HMCN1: variants seen among roughly 807,000 people sequenced by gnomAD.
The protein encoded by HMCN1 is hemicentin 1.
Under a neutral mutation model 625.9 loss-of-function variants are expected in HMCN1, and 321 were observed. That is an observed-to-expected ratio of 0.51 (90% CI 0.47 to 0.56). The LOEUF (loss-of-function observed/expected upper bound fraction) is 0.56, where lower values mean the gene tolerates loss of function less well. HMCN1 is among the 20% of genes least tolerant of loss of function. HMCN1 has a pLI of 0.00. For synonymous variants in HMCN1, 2,425 were observed against 2,417.6 expected, an observed-to-expected ratio of 1.00 and a Z score of -0.09; for missense variants, 6,588 against 6,887.3, an observed-to-expected ratio of 0.96 and a Z score of 1.54.
At chr1:186,079,076 T>G (rs10911812) in intron 55 of HMCN1, among the ~76,000 whole-genome samples, 95,608 of 151,934 alleles carry the variant, frequency 0.63, 32,077 homozygotes, top group African/African-American at 0.88. Flanking sequence ...TCAGGTTCGA[T>G]CCCCAGCTCT....
chr1:185,993,718 ATTG>A, intron 23 of HMCN1, among the ~76,000 whole-genome samples: 1 of 152,266 alleles, frequency 6.6e-6, no homozygotes, highest in East Asian at 1.9e-4. Context: ...AACTGAAAAA[ATTG>A]TTTCCTAGGA....
chr1:186,084,716 A>G (rs2102391552), intron 57 of HMCN1, among the ~76,000 whole-genome samples: 1 of 152,156 alleles, frequency 6.6e-6, no homozygotes, highest in South Asian at 2.1e-4. Context: ...AAGCTGAGCA[A>G]CATATAACAT....
At chr1:185,877,722 T>C (rs559550649) in intron 4 of HMCN1, among the ~76,000 whole-genome samples, 2 of 152,188 alleles carry the variant, frequency 1.3e-5, no homozygotes, top group South Asian at 4.2e-4. Context: ...TCTTTTTGTA[T>C]GGCTATTTTT....
At chr1:185,864,396 A>G in intron 2 of HMCN1, 74 bp from the exon 3 acceptor site, 1 of 1,433,824 alleles carries the variant, frequency 7.0e-7, no homozygotes, top group Non-Finnish European at 9.8e-7. Flanking sequence ...AAACTCCCAA[A>G]GCACCTTGTT....
intron 63 of HMCN1, among the ~76,000 whole-genome samples, chr1:186,090,034 T>C (rs1190653080): frequency 6.6e-6 from 1 of 151,966 alleles, no homozygotes; most frequent in Non-Finnish European, 1.5e-5. Context: ...GGGATGTTAC[T>C]GAACATGGAG....
intron 104 of HMCN1, among the ~76,000 whole-genome samples, chr1:186,179,184 G>A (rs979515122): frequency 2.6e-5 from 4 of 152,086 alleles, no homozygotes; most frequent in Non-Finnish European, 5.9e-5. Context: ...TCAGCTTCTC[G>A]GTCGACTGCT....
chr1:186,055,011 A>G (rs1269747151), intron 44 of HMCN1, among the ~76,000 whole-genome samples: 1 of 152,036 alleles, frequency 6.6e-6, no homozygotes, highest in Non-Finnish European at 1.5e-5. Context: ...GAGAAGGGAT[A>G]AAGGAGTTAG....
chr1:185,769,461 A>G (rs1236845643), intron 1 of HMCN1, among the ~76,000 whole-genome samples: 4 of 152,096 alleles, frequency 2.6e-5, no homozygotes, highest in African/African-American at 9.7e-5. Flanking sequence ...AAAGAAAGAA[A>G]AGATGTTATA....
At chr1:185,899,467 A>G (rs993307035) in intron 4 of HMCN1, among the ~76,000 whole-genome samples, 1 of 152,120 alleles carries the variant, frequency 6.6e-6, no homozygotes, top group South Asian at 2.1e-4. Flanking sequence ...GTATTTGTCG[A>G]CTTTTAACAA....
intron 36 of HMCN1, among the ~76,000 whole-genome samples, chr1:186,034,561 T>C (rs1051985095): frequency 3.3e-5 from 5 of 152,126 alleles, no homozygotes; most frequent in Non-Finnish European, 7.4e-5. Context: ...ATAATGACAG[T>C]TCTCTCAGAA....
At chr1:186,170,282 G>A (rs1652142380) in intron 100 of HMCN1, among the ~76,000 whole-genome samples, 1 of 152,154 alleles carries the variant, frequency 6.6e-6, no homozygotes, top group African/African-American at 2.4e-5. Flanking sequence ...GTATTGAAGG[G>A]AGATACCCTC....
chr1:186,183,777 C>T (rs1458598689), intron 105 of HMCN1, among the ~76,000 whole-genome samples: 3 of 152,138 alleles, frequency 2.0e-5, no homozygotes, highest in African/African-American at 4.8e-5. Context: ...TCCTTTGTCT[C>T]CTGGGATGCT....
Position 186,088,007 on chromosome 1 carries a change from G to A in HMCN1, c.9439G>A (p.Val3147Ile). The A allele has an allele frequency of 6.2e-7, 1 of 1,612,984 alleles. No individual in the cohort carries two copies. Among genetic ancestry groups the A allele is most frequent in the Non-Finnish European group, 8.5e-7 (1 of 1,179,294 alleles). ...GGATGATAAAAATTTCCACCTCAATGTATATGGTGAGCATTTGCCTCTAAT... is the reference window on the plus strand; with the variant it reads ...GGATGATAAAAATTTCCACCTCAATATATATGGTGAGCATTTGCCTCTAAT... Reference protein sequence around the residue: ...GRDDKNFHLNVYVPPSIEGPE... With the variant: ...GRDDKNFHLNIYVPPSIEGPE... Residue 3147 changes from valine (V) to isoleucine (I), a missense_variant, in exon 61 of 107, where the codon GTA becomes ATA. Around this residue, in one of 3 missense-constraint regions of HMCN1, gnomAD observed 4,628 missense variants for 4,853.1 expected, o/e 0.95. Transcript: ENST00000271588.
rs1654327357 is a variant in HMCN1, at chr1:186,015,806, C to A, written c.4910-152C>A. On this transcript the variant is annotated intron_variant, in intron 31 of 106. Coordinates refer to ENST00000271588, the MANE Select transcript of HMCN1 (RefSeq NM_031935.3). ...TACAGTTTAGCTGAACCAAGAAATT[C>A]TTTCCTCAATAGCTTAGAGGGAGAC... 6 of 702,564 alleles carry A rather than the reference C, an allele frequency of 8.5e-6. No individual in the cohort carries two copies. The South Asian group carries it at 1.1e-4, about 13-fold the overall frequency. 43.5% of individuals were successfully genotyped at this position (702,564 alleles called of 1,614,324 possible).
chr1:186,090,938 T>C, intron 64 of HMCN1, 21 bp downstream of exon 64: 1 of 1,607,808 alleles, frequency 6.2e-7, no homozygotes, highest in African/African-American at 1.3e-5. Context: ...AAATAATCTT[T>C]CCATTATAAA....
rs758672862 is a variant in HMCN1 at position 186,119,794 on chromosome 1, C to A, written c.12006C>A (p.Asn4002Lys). The stretch of plus-strand genomic sequence containing the variant: ...CAAGTGAACTACACGTCATTCTGAA[C>A]AATCCTATTTTATTACCATGTGAAG... ...PQPSELHVIL[N>K]NPILLPCEAT... The change falls in exon 79 of 107, where the codon AAC becomes AAA. Residue 4002 changes from asparagine (N) to lysine (K), a missense_variant. Transcript: ENST00000271588. 2.5e-6 allele frequency: 4 copies of A among 1,614,046 alleles called. No individual in the cohort carries two copies. The Admixed American group carries it at 5.0e-5, about 20-fold the overall frequency.
intron 4 of HMCN1, among the ~76,000 whole-genome samples, chr1:185,893,698 T>C (rs6689783): frequency 0.064 from 9,674 of 152,228 alleles, 1,074 homozygotes; most frequent in African/African-American, 0.22. Flanking sequence ...TTTAATTAAA[T>C]TAAACTTGAC....
chr1:185,953,947 TG>T (rs1361034983), intron 11 of HMCN1, among the ~76,000 whole-genome samples: 1 of 144,310 alleles, frequency 6.9e-6, no homozygotes, highest in African/African-American at 2.6e-5. Context: ...GGTTGTTCTC[TG>T]GTGGGCAGGA....
rs1490954691 is a variant in HMCN1 at position 185,909,328 on chromosome 1, C to G, written c.622-9C>G. 2.5e-6 allele frequency: 4 copies of G among 1,604,134 alleles called. No homozygotes were observed. The highest frequency in any genetic ancestry group is 3.4e-6 in the Non-Finnish European group (4 of 1,171,236). On this transcript the variant is annotated splice_polypyrimidine_tract_variant and intron_variant, in intron 4 of 106. Coordinates refer to ENST00000271588, the MANE Select transcript of HMCN1 (RefSeq NM_031935.3). ...TGATATCACTTACACTTCTCTTTCT[C>G]TCTTATAGGTATTAAAATGGGTAGA... is the stretch of plus-strand genomic sequence containing the variant.
Sources: allele counts gnomAD v4.1 joint callset (sites outside exome capture counted in the v4.1 genomes callset), GRCh38; gene constraint gnomAD v4.1.1; regional missense constraint gnomAD v4.1.1; transcripts MANE v1.5; gene names NCBI Gene and HGNC (gene_info 2026-07-23, HGNC 2026-07-21).